NBEA: variants seen among roughly 807,000 people sequenced by gnomAD.
NBEA encodes lysosomal-trafficking regulator 2.
A neutral mutation model predicts 343.4 loss-of-function variants in NBEA; 44 were observed. That is an observed-to-expected ratio of 0.13 (90% CI 0.10 to 0.16). The LOEUF is 0.16. NBEA is among the 10% of genes least tolerant of loss of function. The probability of loss-of-function intolerance (pLI) is 1.00; values close to 1 mark genes in which losing one functional copy is unlikely to be tolerated. For synonymous variants in NBEA, 1,175 were observed against 1,238.7 expected (o/e 0.95, Z 1.08); for missense variants, 2,555 against 3,631.3 (o/e 0.70, Z 7.62).
chr13:35,615,238 A>G (rs1448009652), intron 48 of NBEA, among the ~76,000 whole-genome samples: 1 of 150,844 alleles, frequency 6.6e-6, no homozygotes, highest in African/African-American at 2.4e-5. Context: ...CAGTGAGGCA[A>G]CATCACACCA....
In NBEA at chr13:35,086,067, A is replaced by G. The variant is rs1480976100; in HGVS notation, c.1572-12230A>G. On this transcript the variant is annotated intron_variant, in intron 10 of 58. Transcript: ENST00000379939. ...AAGGAGAACTACAAACCACTGCTCA[A>G]TGAAATAAAAGAGGATACAAACAAA... is the stretch of plus-strand genomic sequence containing the variant. 2.6e-5 allele frequency among the ~76,000 whole-genome samples: 4 copies of G among 152,272 alleles called. No homozygotes were observed. In the East Asian group the frequency reaches 5.8e-4, roughly 22 times the overall value.
chr13:35,185,958 A>G (rs954323543), intron 30 of NBEA: 1 of 152,124 alleles, frequency 6.6e-6, no homozygotes, highest in African/African-American at 2.4e-5. Flanking sequence ...GAGCACAAAC[A>G]AAAGTTAAAA....
intron 38 of NBEA, among the ~76,000 whole-genome samples, chr13:35,363,940 T>C (rs2152876839): frequency 6.6e-6 from 1 of 152,020 alleles, no homozygotes; most frequent in Admixed American, 6.6e-5. Context: ...ATTGGGTGAA[T>C]GGTGGTGCCA....
intron 1 of NBEA, among the ~76,000 whole-genome samples, chr13:34,948,094 A>G (rs1290007253): frequency 6.6e-6 from 1 of 152,232 alleles, no homozygotes; most frequent in African/African-American, 2.4e-5. Flanking sequence ...TATTGTTAGC[A>G]TTTGTCATAT....
intron 38 of NBEA, among the ~76,000 whole-genome samples, chr13:35,391,453 T>C (rs2042497442): frequency 6.6e-6 from 1 of 152,066 alleles, no homozygotes; most frequent in Non-Finnish European, 1.5e-5. Context: ...ATAAAAGAAG[T>C]TATTTAAAAG....
intron 34 of NBEA, among the ~76,000 whole-genome samples, chr13:35,259,257 C>A (rs928884207): frequency 2.0e-5 from 3 of 152,032 alleles, no homozygotes; most frequent in African/African-American, 7.2e-5. Flanking sequence ...GTAAAATTTC[C>A]TGGCCATCTA....
chr13:35,093,063 T>C (rs756666602), intron 10 of NBEA, among the ~76,000 whole-genome samples: 13 of 152,034 alleles, frequency 8.6e-5, no homozygotes, highest in Non-Finnish European at 1.3e-4. Context: ...TATGCTGAGC[T>C]TACAAAGGGA....
At chr13:35,426,079 G>A (rs1189679684) in intron 38 of NBEA, among the ~76,000 whole-genome samples, 1 of 152,192 alleles carries the variant, frequency 6.6e-6, no homozygotes, top group Non-Finnish European at 1.5e-5. Context: ...ACAGCACACT[G>A]ATGGGTCTTG....
intron 33 of NBEA, among the ~76,000 whole-genome samples, chr13:35,212,464 A>G (rs1209667875): frequency 6.6e-6 from 1 of 152,176 alleles, no homozygotes; most frequent in African/African-American, 2.4e-5. Context: ...ACTGCTATAT[A>G]GATAAGGCCA....
chr13:35,219,394 G>A (rs917193206), intron 33 of NBEA, among the ~76,000 whole-genome samples: 1 of 152,110 alleles, frequency 6.6e-6, no homozygotes, highest in African/African-American at 2.4e-5. Context: ...ATAACATAGA[G>A]GGCTTGTTAA....
At chr13:35,107,408 G>C (rs2065972652) in intron 11 of NBEA, among the ~76,000 whole-genome samples, 1 of 151,630 alleles carries the variant, frequency 6.6e-6, no homozygotes, top group Non-Finnish European at 1.5e-5. Context: ...AGCACCATTG[G>C]TAATTTTGTC....
At chr13:35,527,588 C>T (rs913290263) in intron 41 of NBEA, among the ~76,000 whole-genome samples, 2 of 152,210 alleles carry the variant, frequency 1.3e-5, no homozygotes, top group Non-Finnish European at 2.9e-5. Flanking sequence ...ATTGCCACCC[C>T]AAGTACACAC....
At chr13:35,552,013 A>T (rs1037350959) in intron 43 of NBEA, among the ~76,000 whole-genome samples, 8 of 152,320 alleles carry the variant, frequency 5.3e-5, no homozygotes, top group South Asian at 2.1e-4. Flanking sequence ...ATGGAAAAAG[A>T]TACCTCTGAT....
intron 49 of NBEA, among the ~76,000 whole-genome samples, chr13:35,637,850 C>T (rs2083765258): frequency 6.6e-6 from 1 of 151,264 alleles, no homozygotes; most frequent in Non-Finnish European, 1.5e-5. Context: ...AAGTTGAAAG[C>T]AACCCAAGTG....
At chr13:35,538,482 T>TA (rs78995688) in intron 41 of NBEA, among the ~76,000 whole-genome samples, 14,365 of 151,052 alleles carry the variant, frequency 0.095, 867 homozygotes, top group East Asian at 0.3. Flanking sequence ...TACATAACAG[T>TA]AAAAAAAAAG....
chr13:35,653,328 CTTTTTT>C (rs139682136), intron 53 of NBEA, among the ~76,000 whole-genome samples: 3 of 114,028 alleles, frequency 2.6e-5, no homozygotes, highest in Non-Finnish European at 5.4e-5. Context: ...TTCTTGGGTT[CTTTTTT>C]TTTTTTTTTT....
intron 38 of NBEA, among the ~76,000 whole-genome samples, chr13:35,422,537 C>G (rs1015897392): frequency 5.9e-5 from 9 of 152,072 alleles, no homozygotes; most frequent in African/African-American, 2.2e-4. Context: ...TTTTCTTAAT[C>G]CAGTCTATCG....
chr13:35,300,288 C>T (rs2036452960), intron 35 of NBEA, among the ~76,000 whole-genome samples: 1 of 152,110 alleles, frequency 6.6e-6, no homozygotes, highest in Non-Finnish European at 1.5e-5. Context: ...CGAGCCACTG[C>T]ACTCCAGCCT....
chr13:35,287,892 C>T (rs2035539366), intron 34 of NBEA, among the ~76,000 whole-genome samples: 1 of 151,900 alleles, frequency 6.6e-6, no homozygotes, highest in South Asian at 2.1e-4. Flanking sequence ...CTAGTTTAAA[C>T]AGTTATTAAG....
Sources: gnomAD v4.1 joint callset for allele counts (sites outside exome capture counted in the v4.1 genomes callset) on GRCh38, gnomAD v4.1.1 for gene constraint, MANE v1.5 for transcripts, NCBI Gene and HGNC (gene_info 2026-07-23, HGNC 2026-07-21) for gene names.